The following CNTNAP2 variants were observed in gnomAD, a reference collection of about 807,000 sequenced individuals.
The protein encoded by CNTNAP2 is contactin associated protein 2.
A neutral mutation model predicts 155.2 loss-of-function variants in CNTNAP2; 98 were observed. The observed-to-expected ratio is 0.63, with a 90% CI of 0.54 to 0.75. The LOEUF (loss-of-function observed/expected upper bound fraction) is 0.75, where lower values mean the gene tolerates loss of function less well. CNTNAP2 is among the 30% of genes least tolerant of loss of function. CNTNAP2 has a pLI of 0.00. For missense variants in CNTNAP2, 1,727 were observed against 1,688.1 expected, an observed-to-expected ratio of 1.02 and a Z score of -0.40; for synonymous variants, 651 against 631.2, an observed-to-expected ratio of 1.03 and a Z score of -0.47.
chr7:146,913,358 T>C (rs1796329281), intron 3 of CNTNAP2, among the ~76,000 whole-genome samples: 1 of 152,164 alleles, frequency 6.6e-6, no homozygotes. Flanking sequence ...GTGATTTTCC[T>C]GTAGGTCCTA....
chr7:146,493,814 T>C (rs1209898839), intron 1 of CNTNAP2, among the ~76,000 whole-genome samples: 1 of 152,078 alleles, frequency 6.6e-6, no homozygotes, highest in Non-Finnish European at 1.5e-5. Flanking sequence ...TTGACAAAAT[T>C]CACCATGCAT....
At chr7:146,582,119 A>G (rs892568723) in intron 1 of CNTNAP2, among the ~76,000 whole-genome samples, 1 of 152,158 alleles carries the variant, frequency 6.6e-6, no homozygotes, top group African/African-American at 2.4e-5. Flanking sequence ...TACCATCACA[A>G]GTTAATGGGT....
chr7:147,086,722 C>G (rs1171865301), intron 4 of CNTNAP2, among the ~76,000 whole-genome samples: 1 of 152,150 alleles, frequency 6.6e-6, no homozygotes, highest in Admixed American at 6.5e-5. Context: ...TAAGCATGAC[C>G]ACCTAGTCTG....
intron 3 of CNTNAP2, among the ~76,000 whole-genome samples, chr7:146,904,387 A>C (rs908603656): frequency 6.6e-6 from 1 of 152,192 alleles, no homozygotes; most frequent in African/African-American, 2.4e-5. Flanking sequence ...GCAGGTTTAC[A>C]TAATACTGTA....
intron 11 of CNTNAP2, among the ~76,000 whole-genome samples, chr7:147,521,147 T>C (rs1799223706): frequency 6.6e-6 from 1 of 152,244 alleles, no homozygotes; most frequent in Non-Finnish European, 1.5e-5. Flanking sequence ...ATGTCTCTCC[T>C]ATGTTAACCC....
chr7:146,124,259 A>T (rs75824808), intron 1 of CNTNAP2, among the ~76,000 whole-genome samples: 1 of 152,154 alleles, frequency 6.6e-6, no homozygotes, highest in African/African-American at 2.4e-5. Context: ...TAAAAAAAAA[A>T]GTGCTTATTG....
At chr7:147,249,731 C>G (rs1259672151) in intron 8 of CNTNAP2, among the ~76,000 whole-genome samples, 2 of 150,702 alleles carry the variant, frequency 1.3e-5, no homozygotes, top group South Asian at 4.3e-4. Context: ...AGTCTTCATA[C>G]TAGTCAGAGG....
chr7:147,738,658 TTTTA>T lies in CNTNAP2; in HGVS notation c.2098+99356_2098+99359del, dbSNP rs1278441734. The stretch of plus-strand genomic sequence containing the variant: ...GTATAATGTAAACATAACTTTTTTT[TTTTA>T]TTTTTTTTTTTAGGTGGAGTCTTGC... On this transcript the variant is annotated intron_variant, in intron 13 of 23. Transcript: ENST00000361727. Among the ~76,000 whole-genome samples, 44 of 58,372 alleles carry T rather than the reference TTTTA, an allele frequency of 7.5e-4. 3 individuals are homozygous for T. The highest frequency in any genetic ancestry group is 6.9e-4 in the Non-Finnish European group (20 of 29,126). 38.3% of individuals were successfully genotyped at this position (58,372 alleles called of 152,430 possible). A position where few individuals can be genotyped will look rare whatever the true frequency, so the allele number is the denominator to read the frequency against.
rs191216321 is a variant in CNTNAP2 at position 146,807,792 on chromosome 7, A to G, written c.209-31919A>G. The stretch of plus-strand genomic sequence containing the variant: ...TCTAGTTGCTGCTAAAAAAATATAT[A>G]TGTCTCATGAGGTATGTTCTTCCCA... On this transcript the variant is annotated intron_variant, in intron 2 of 23. Coordinates refer to ENST00000361727, the MANE Select transcript of CNTNAP2 (RefSeq NM_014141.6). Among the ~76,000 whole-genome samples the G allele has an allele frequency of 1.9e-3, 293 of 152,052 alleles. 2 individuals are homozygous for G. Among genetic ancestry groups the G allele is most frequent in the African/African-American group, 6.5e-3 (271 of 41,470 alleles).
chr7:147,856,164 C>A (rs1204935120), intron 13 of CNTNAP2, among the ~76,000 whole-genome samples: 1 of 151,724 alleles, frequency 6.6e-6, no homozygotes, highest in African/African-American at 2.4e-5. Context: ...CTGCTGCCTC[C>A]TGGAGCCCAT....
At chr7:146,390,592 A>ATTTTCATGAAATAAAAATATATATTT (rs999750516) in intron 1 of CNTNAP2, among the ~76,000 whole-genome samples, 103 of 150,236 alleles carry the variant, frequency 6.9e-4, no homozygotes, top group African/African-American at 2.2e-3. Context: ...AAATACATAT[A>ATTTTCATGAAATAAAAATATATATTT]TTTTCATGAA....
intron 3 of CNTNAP2, among the ~76,000 whole-genome samples, chr7:146,877,504 G>A (rs1795452479): frequency 6.6e-6 from 1 of 151,202 alleles, no homozygotes; most frequent in Admixed American, 6.6e-5. Flanking sequence ...GAGCCTGTCT[G>A]TAAAATATAT....
At chr7:148,312,562 G>A (rs1230728982) in intron 21 of CNTNAP2, among the ~76,000 whole-genome samples, 1 of 152,154 alleles carries the variant, frequency 6.6e-6, no homozygotes, top group East Asian at 1.9e-4. Context: ...AATGGGTTGT[G>A]GAGGGAAGTA....
intron 13 of CNTNAP2, among the ~76,000 whole-genome samples, chr7:147,710,715 T>G (rs1796389894): frequency 6.6e-6 from 1 of 152,154 alleles, no homozygotes; most frequent in African/African-American, 2.4e-5. Context: ...ATATGGTGAG[T>G]TTTCCACTTT....
At chr7:148,024,152 A>C (rs1802333360) in intron 15 of CNTNAP2, among the ~76,000 whole-genome samples, 1 of 89,126 alleles carries the variant, frequency 1.1e-5, no homozygotes, top group South Asian at 5.1e-4. Context: ...TCAACCTTTA[A>C]AGTGTAAAAA....
intron 1 of CNTNAP2, among the ~76,000 whole-genome samples, chr7:146,700,431 T>C (rs1800856600): frequency 6.6e-6 from 1 of 152,160 alleles, no homozygotes; most frequent in African/African-American, 2.4e-5. Context: ...AAGACTAATC[T>C]TGTTTTTTAA....
chr7:146,519,827 A>G (rs910163554), intron 1 of CNTNAP2, among the ~76,000 whole-genome samples: 1 of 151,884 alleles, frequency 6.6e-6, no homozygotes. Context: ...AAATTCAGTA[A>G]TCATGAAACC....
intron 15 of CNTNAP2, among the ~76,000 whole-genome samples, chr7:148,006,799 C>G (rs774173523): frequency 6.6e-6 from 1 of 151,982 alleles, no homozygotes; most frequent in Non-Finnish European, 1.5e-5. Context: ...AATCATATTC[C>G]GTTCTTTCAT....
At chr7:146,129,854 T>C (rs777451886) in intron 1 of CNTNAP2, among the ~76,000 whole-genome samples, 1 of 152,192 alleles carries the variant, frequency 6.6e-6, no homozygotes. Flanking sequence ...ATTAAAATTA[T>C]TGAATCATTC....
Sources: allele counts gnomAD v4.1 joint callset (sites outside exome capture counted in the v4.1 genomes callset), GRCh38; gene constraint gnomAD v4.1.1; transcripts MANE v1.5; gene names NCBI Gene and HGNC (gene_info 2026-07-23, HGNC 2026-07-21).